DLG2: variants seen among roughly 807,000 people sequenced by gnomAD.
DLG2 encodes the protein disks large homolog 2.
A neutral mutation model predicts 132.5 loss-of-function variants in DLG2; 45 were observed. That is an observed-to-expected ratio of 0.34 (90% confidence interval 0.27 to 0.44). The LOEUF is 0.44. Among genes scored for constraint, DLG2 ranks in the 20% least tolerant of loss-of-function variants. DLG2 has a pLI of 1.00. For synonymous variants in DLG2, 424 were observed against 419.6 expected, an observed-to-expected ratio of 1.01 and a Z score of -0.13; for missense variants, 1,045 against 1,196.9, an observed-to-expected ratio of 0.87 and a Z score of 1.87.
intron 7 of DLG2, among the ~76,000 whole-genome samples, chr11:84,299,058 C>G (rs1250926434): frequency 6.6e-6 from 1 of 152,166 alleles, no homozygotes; most frequent in Non-Finnish European, 1.5e-5. Context: ...ATTTAAGAAA[C>G]GTTCCACATA....
intron 11 of DLG2, among the ~76,000 whole-genome samples, chr11:84,023,639 T>A (rs539811888): frequency 1.8e-4 from 28 of 152,280 alleles, no homozygotes; most frequent in African/African-American, 6.0e-4. Context: ...ATTGGAAAAC[T>A]TTTTGGAGAT....
At chr11:84,301,510 A>G (rs563544865) in intron 7 of DLG2, among the ~76,000 whole-genome samples, 1 of 151,926 alleles carries the variant, frequency 6.6e-6, no homozygotes, top group African/African-American at 2.4e-5. Flanking sequence ...ACAAAAAAAA[A>G]TTAGCCAGGC....
In DLG2 at chr11:84,092,117, A is replaced by G. The variant is rs942300472; in HGVS notation, c.749+6806T>C. Among the ~76,000 whole-genome samples, 5 of 152,254 alleles carry G rather than the reference A, an allele frequency of 3.3e-5. No homozygotes were observed. In the South Asian group the frequency reaches 6.2e-4, roughly 19 times the overall value. On this transcript the variant is annotated intron_variant, in intron 10 of 27. Coordinates refer to ENST00000376104, the MANE Select transcript of DLG2 (RefSeq NM_001142699.3). ...TTAGGGGACTTAATTACATCTGTGA[A>G]GTCCCTTTTGCCATATAAAGTAGCA...
At chr11:84,713,423 G>A (rs1391247026) in intron 6 of DLG2, among the ~76,000 whole-genome samples, 1 of 152,090 alleles carries the variant, frequency 6.6e-6, no homozygotes, top group Non-Finnish European at 1.5e-5. Flanking sequence ...TAGCAGGTCA[G>A]TGTGTGTATG....
chr11:84,097,387 T>C (rs1363410154), intron 10 of DLG2, among the ~76,000 whole-genome samples: 2 of 152,152 alleles, frequency 1.3e-5, no homozygotes, highest in African/African-American at 4.8e-5. Context: ...ACAAGAATCC[T>C]GCCAAGTCCC....
intron 7 of DLG2, among the ~76,000 whole-genome samples, chr11:84,523,301 A>T (rs769732316): frequency 2.0e-5 from 3 of 152,206 alleles, no homozygotes; most frequent in Non-Finnish European, 4.4e-5. Flanking sequence ...TGAATTCCAT[A>T]CTATTATTTC....
chr11:84,682,025 A>G (rs111444703), intron 6 of DLG2, among the ~76,000 whole-genome samples: 16 of 152,082 alleles, frequency 1.1e-4, no homozygotes, highest in African/African-American at 3.9e-4. Flanking sequence ...GAAGGGAGGG[A>G]GGTGCCAGGC....
chr11:83,488,996 T>C (rs1591709003), intron 21 of DLG2, among the ~76,000 whole-genome samples: 1 of 152,006 alleles, frequency 6.6e-6, no homozygotes, highest in Non-Finnish European at 1.5e-5. Context: ...AATGCACGTA[T>C]ACATGTGTGT....
intron 19 of DLG2, among the ~76,000 whole-genome samples, chr11:83,561,198 C>T (rs1013519962): frequency 6.6e-6 from 1 of 152,204 alleles, no homozygotes; most frequent in African/African-American, 2.4e-5. Context: ...TCCTACCGGG[C>T]CCCACCTCCA....
At chr11:83,801,085 G>C (rs970654255) in intron 17 of DLG2, among the ~76,000 whole-genome samples, 2 of 152,116 alleles carry the variant, frequency 1.3e-5, no homozygotes, top group African/African-American at 4.8e-5. Flanking sequence ...TCAGCAAACA[G>C]TACTACCACC....
At chr11:84,927,560 G>A (rs540443719) in intron 6 of DLG2, among the ~76,000 whole-genome samples, 10 of 151,950 alleles carry the variant, frequency 6.6e-5, no homozygotes, top group Admixed American at 2.6e-4. Flanking sequence ...TTTCAGGCTT[G>A]TAAGCCATAC....
At chr11:84,940,819 G>A (rs1489203006) in intron 6 of DLG2, among the ~76,000 whole-genome samples, 1 of 152,134 alleles carries the variant, frequency 6.6e-6, no homozygotes, top group South Asian at 2.1e-4. Flanking sequence ...ATGACCTAGA[G>A]AGTTTCCTCA....
At chr11:84,677,274 G>C in intron 6 of DLG2, among the ~76,000 whole-genome samples, 1 of 151,978 alleles carries the variant, frequency 6.6e-6, no homozygotes, top group Non-Finnish European at 1.5e-5. Flanking sequence ...TGCATTTCAG[G>C]ATATTCCAGT....
At position 83,833,726 on chromosome 11, in the gene DLG2, C is replaced by T. The variant is rs1348635284; in HGVS notation, c.1610G>A (p.Gly537Asp). The T allele has an allele frequency of 1.2e-6, 2 of 1,613,946 alleles. No homozygotes were observed. The highest frequency in any genetic ancestry group is 1.7e-6 in the Non-Finnish European group (2 of 1,179,982). ...ATCTTCCCCACCGACAATGTTGAAG[C>T]CCAGGCCAGTGGAGCCTTTGTGCAG... ...VVLHKGSTGL[G>D]FNIVGGEDGE... Residue 537 changes from glycine to aspartate, a missense_variant, in exon 17 of 28, where the codon GGC becomes GAC. By Grantham distance (94) the Gly-to-Asp change is moderately conservative. Around this residue, in one of 4 missense-constraint regions of DLG2, gnomAD observed 261 missense variants for 256.1 expected, o/e 1.02. Coordinates refer to ENST00000376104, the MANE Select transcript of DLG2 (RefSeq NM_001142699.3).
intron 7 of DLG2, among the ~76,000 whole-genome samples, chr11:84,280,692 GT>G (rs59827366): frequency 0.72 from 108,973 of 151,646 alleles, 39,760 homozygotes; most frequent in Middle Eastern, 0.8. Flanking sequence ...ATAAATAACT[GT>G]TTTTTTGTTT....
intron 7 of DLG2, among the ~76,000 whole-genome samples, chr11:84,266,997 T>G (rs974506907): frequency 2.0e-5 from 3 of 151,902 alleles, no homozygotes; most frequent in Non-Finnish European, 4.4e-5. Context: ...AAAAGAAACC[T>G]CCCAAATGCT....
intron 21 of DLG2, among the ~76,000 whole-genome samples, chr11:83,488,537 CAT>C (rs1382695196): frequency 1.3e-5 from 2 of 151,956 alleles, no homozygotes; most frequent in East Asian, 3.9e-4. Flanking sequence ...TGAATCTTGA[CAT>C]ATTTTATCTT....
At chr11:83,775,210 C>A (rs1368855488) in intron 18 of DLG2, among the ~76,000 whole-genome samples, 1 of 152,166 alleles carries the variant, frequency 6.6e-6, no homozygotes, top group East Asian at 1.9e-4. Flanking sequence ...CCCTCCATAT[C>A]CCTCTCCTGG....
At chr11:84,102,891 C>A (rs901881186) in intron 9 of DLG2, among the ~76,000 whole-genome samples, 1 of 152,060 alleles carries the variant, frequency 6.6e-6, no homozygotes, top group Non-Finnish European at 1.5e-5. Context: ...GAATTGACTA[C>A]AATATGGAGA....
Sources: allele counts gnomAD v4.1 joint callset (sites outside exome capture counted in the v4.1 genomes callset), GRCh38; gene constraint gnomAD v4.1.1; regional missense constraint gnomAD v4.1.1; transcripts MANE v1.5; gene names NCBI Gene and HGNC (gene_info 2026-07-23, HGNC 2026-07-21).